Variants in AGBL4 observed in about 807,000 individuals in gnomAD.
The protein encoded by AGBL4 is AGBL carboxypeptidase 4, also known as cytosolic carboxypeptidase 6.
A neutral mutation model predicts 66.4 loss-of-function variants in AGBL4; 58 were observed. That is an observed-to-expected ratio of 0.87 (90% CI 0.71 to 1.09). AGBL4 has a LOEUF of 1.09. Among genes scored for constraint, AGBL4 ranks in the 50% least tolerant of loss-of-function variants. The pLI is 0.00. For missense variants in AGBL4, 579 were observed against 631.0 expected (o/e 0.92, Z 0.88); for synonymous variants, 234 against 222.9 (o/e 1.05, Z -0.44).
At chr1:50,013,638 A>G (rs1661716884) in intron 1 of AGBL4, among the ~76,000 whole-genome samples, 1 of 152,206 alleles carries the variant, frequency 6.6e-6, no homozygotes, top group African/African-American at 2.4e-5. Flanking sequence ...CTAAGATAAG[A>G]AGTTACAGTA....
At chr1:49,478,689 A>G (rs1646893641) in intron 3 of AGBL4, among the ~76,000 whole-genome samples, 1 of 152,074 alleles carries the variant, frequency 6.6e-6, no homozygotes, top group African/African-American at 2.4e-5. Flanking sequence ...ACAGAAAAAC[A>G]CAGACTATTA....
At chr1:48,902,543 G>A (rs1652187606) in intron 5 of AGBL4, among the ~76,000 whole-genome samples, 1 of 152,164 alleles carries the variant, frequency 6.6e-6, no homozygotes, top group African/African-American at 2.4e-5. Flanking sequence ...GTGGTGACGA[G>A]TGAGGGCTAA....
At chr1:49,638,784 G>GT (rs1645725871) in intron 3 of AGBL4, among the ~76,000 whole-genome samples, 1 of 152,094 alleles carries the variant, frequency 6.6e-6, no homozygotes, top group Non-Finnish European at 1.5e-5. Flanking sequence ...CTAAACCTCT[G>GT]TTTTTTGGAA....
Position 48,579,321 on chromosome 1 carries a change from G to A in AGBL4, c.1267+7683C>T, listed in dbSNP as rs148521965. On this transcript the variant is annotated intron_variant, in intron 11 of 13. Coordinates refer to ENST00000371839, the MANE Select transcript of AGBL4 (RefSeq NM_032785.4). ...CAGCTCACTGCAACCTCTGCCTCCC[G>A]GGTTCAAGTGATTCTTCTATCTCAG... Among the ~76,000 whole-genome samples the A allele has an allele frequency of 2.2e-4, 34 of 151,958 alleles. 1 individual carries two copies. In the East Asian group the frequency reaches 5.5e-3, roughly 25 times the overall value.
chr1:48,704,756 C>G (rs1646855610), intron 6 of AGBL4, among the ~76,000 whole-genome samples: 1 of 152,132 alleles, frequency 6.6e-6, no homozygotes, highest in Non-Finnish European at 1.5e-5. Flanking sequence ...TCTGGAATAC[C>G]TCCTGAAGGA....
At chr1:48,702,213 C>A (rs974118849) in intron 6 of AGBL4, among the ~76,000 whole-genome samples, 6 of 152,148 alleles carry the variant, frequency 3.9e-5, no homozygotes, top group Non-Finnish European at 8.8e-5. Context: ...TCTGAGCCAG[C>A]CAGAGCCTGA....
At chr1:49,088,725 C>G (rs1571417109) in intron 4 of AGBL4, among the ~76,000 whole-genome samples, 1 of 152,108 alleles carries the variant, frequency 6.6e-6, no homozygotes, top group East Asian at 1.9e-4. Context: ...TATTCAGGAC[C>G]TGAACTGAAC....
chr1:49,883,668 T>A (rs1647683251), intron 1 of AGBL4, among the ~76,000 whole-genome samples: 1 of 152,088 alleles, frequency 6.6e-6, no homozygotes, highest in South Asian at 2.1e-4. Context: ...TTTTTTTGCT[T>A]ATCTGTTAAG....
intron 1 of AGBL4, among the ~76,000 whole-genome samples, chr1:49,919,205 A>G (rs927747152): frequency 2.0e-5 from 3 of 152,204 alleles, no homozygotes; most frequent in African/African-American, 7.2e-5. Flanking sequence ...CACCACTCCT[A>G]TTCAACATAG....
chr1:49,255,363 A>G (rs1652396027), intron 3 of AGBL4, among the ~76,000 whole-genome samples: 1 of 152,180 alleles, frequency 6.6e-6, no homozygotes, highest in African/African-American at 2.4e-5. Flanking sequence ...AAAAGACAAG[A>G]TTACACGCTT....
intron 3 of AGBL4, among the ~76,000 whole-genome samples, chr1:49,406,280 A>G (rs1645195137): frequency 2.1e-5 from 3 of 145,164 alleles, no homozygotes; most frequent in African/African-American, 8.6e-5. Flanking sequence ...CTGGTAATAG[A>G]AAAAGAGCCC....
At chr1:48,778,899 T>G (rs2148715593) in intron 6 of AGBL4, among the ~76,000 whole-genome samples, 1 of 152,242 alleles carries the variant, frequency 6.6e-6, no homozygotes, top group East Asian at 1.9e-4. Context: ...AACCCACTGG[T>G]TATGTGGTAC....
At chr1:49,642,609 G>T (rs954332158) in intron 3 of AGBL4, among the ~76,000 whole-genome samples, 1 of 151,860 alleles carries the variant, frequency 6.6e-6, no homozygotes, top group African/African-American at 2.4e-5. Context: ...GCACCAAAAA[G>T]GATTAAAAGG....
At chr1:48,579,762 A>G (rs1292871660) in intron 11 of AGBL4, among the ~76,000 whole-genome samples, 2 of 150,238 alleles carry the variant, frequency 1.3e-5, no homozygotes, top group East Asian at 4.0e-4. Flanking sequence ...TACAAAAAAA[A>G]AAAAAATTAG....
At chr1:48,978,480 G>A (rs1416238461) in intron 5 of AGBL4, among the ~76,000 whole-genome samples, 1 of 152,108 alleles carries the variant, frequency 6.6e-6, no homozygotes, top group Non-Finnish European at 1.5e-5. Flanking sequence ...GCCTCTTTAT[G>A]TCCTCTCAGA....
chr1:49,267,951 T>C (rs559448868), intron 3 of AGBL4: 1 of 152,082 alleles, frequency 6.6e-6, no homozygotes, highest in South Asian at 2.1e-4. Context: ...GTCCTTCCCA[T>C]AACACATGGG....
intron 5 of AGBL4, among the ~76,000 whole-genome samples, chr1:48,931,644 G>A (rs1057414420): frequency 6.6e-6 from 1 of 151,912 alleles, no homozygotes; most frequent in Non-Finnish European, 1.5e-5. Context: ...CTCAGCCTTC[G>A]GAGTAGCTGG....
intron 3 of AGBL4, among the ~76,000 whole-genome samples, chr1:49,505,454 T>C (rs1204808610): frequency 6.6e-6 from 1 of 151,958 alleles, no homozygotes; most frequent in Non-Finnish European, 1.5e-5. Flanking sequence ...TCTAGGAAAG[T>C]GTTTATCTCT....
chr1:49,849,947 GATAT>G, intron 2 of AGBL4, among the ~76,000 whole-genome samples: 1 of 152,134 alleles, frequency 6.6e-6, no homozygotes, highest in Admixed American at 6.5e-5. Flanking sequence ...AAGAATCAAA[GATAT>G]TATGTAGGCA....
Sources: allele counts gnomAD v4.1 joint callset (sites outside exome capture counted in the v4.1 genomes callset), GRCh38; gene constraint gnomAD v4.1.1; transcripts MANE v1.5; gene names NCBI Gene and HGNC (gene_info 2026-07-23, HGNC 2026-07-21).